The following SPART variants were observed in gnomAD, a reference collection of about 807,000 sequenced individuals.
SPART encodes spastic paraplegia 20 (Troyer syndrome).
In SPART, 35 loss-of-function variants were observed where a neutral mutation model predicts 58.7. That is an observed-to-expected ratio of 0.60 (90% confidence interval 0.46 to 0.79). The LOEUF is 0.79. Ranked by LOEUF, SPART falls within the 30% of genes least tolerant of loss-of-function variation. The pLI is 0.00. For synonymous variants in SPART, 284 were observed against 280.7 expected, an observed-to-expected ratio of 1.01 and a Z score of -0.12; for missense variants, 730 against 786.1, an observed-to-expected ratio of 0.93 and a Z score of 0.85.
At chr13:36,349,261 TCAAA>T (rs1310517118), upstream of SPART, among the ~76,000 whole-genome samples, 2 of 152,196 alleles carry the variant, frequency 1.3e-5, no homozygotes, top group African/African-American at 2.4e-5. Context: ...AAACTCTGTC[TCAAA>T]CAAACAAGCA....
chr13:36,319,427 G>C (rs112003026), intron 5 of SPART, among the ~76,000 whole-genome samples: 1 of 149,070 alleles, frequency 6.7e-6, no homozygotes, highest in African/African-American at 2.5e-5. Flanking sequence ...CCCACTCAAC[G>C]CCAATATCCC....
chr13:36,335,531 G>A lies in SPART; in HGVS notation c.300C>T (p.Ala100=). 2.5e-6 allele frequency: 4 copies of A among 1,614,118 alleles called. No individual in the cohort carries two copies. The highest frequency in any genetic ancestry group is 3.4e-6 in the Non-Finnish European group (4 of 1,180,016). Residue 100 remains alanine, a synonymous_variant, in exon 2 of 9, where the codon GCC becomes GCT. Transcript: ENST00000438666. The part of the protein sequence containing the change: ...TRLEILEKGL[A]TSLQNDLQEV... ...CCTGAAGATCATTCTGCAGAGAAGT[G>A]GCAAGACCCTTCTCTAGAATTTCCA... is the stretch of plus-strand genomic sequence containing the variant.
At chr13:36,350,858 G>C (rs1283237958), upstream of SPART, among the ~76,000 whole-genome samples, 1 of 151,990 alleles carries the variant, frequency 6.6e-6, no homozygotes, top group Non-Finnish European at 1.5e-5. Flanking sequence ...AGGAGGAGTA[G>C]GAAAAAAGAT....
At chr13:36,363,158 T>G (rs1397074666) in intron 1 of SPART, among the ~76,000 whole-genome samples, 1 of 152,256 alleles carries the variant, frequency 6.6e-6, no homozygotes, top group Non-Finnish European at 1.5e-5. Context: ...TCCTTGTATT[T>G]GCCTGACGAT....
intron 5 of SPART, among the ~76,000 whole-genome samples, chr13:36,314,670 G>A (rs1456871426): frequency 6.6e-6 from 1 of 152,188 alleles, no homozygotes; most frequent in Non-Finnish European, 1.5e-5. Flanking sequence ...AGTGGCAGCT[G>A]ATAATTTCTG....
chr13:36,307,142 T>A (rs1294496042), intron 8 of SPART, among the ~76,000 whole-genome samples: 2 of 152,172 alleles, frequency 1.3e-5, no homozygotes, highest in African/African-American at 4.8e-5. Context: ...GAAGTTAAAT[T>A]TATTTTTGAT....
At chr13:36,333,120 C>A (rs1347811002) in intron 2 of SPART, among the ~76,000 whole-genome samples, 2 of 151,404 alleles carry the variant, frequency 1.3e-5, no homozygotes, top group African/African-American at 4.9e-5. Context: ...AAAAAACCAA[C>A]ACTTTATAGA....
intron 2 of SPART, among the ~76,000 whole-genome samples, chr13:36,332,644 A>G (rs982553789): frequency 2.6e-5 from 4 of 152,254 alleles, no homozygotes; most frequent in African/African-American, 7.2e-5. Context: ...TTGTGAAATT[A>G]AAAGCAAAAT....
At chr13:36,314,460 C>A in intron 5 of SPART, 39 bp from the exon 6 acceptor site, 2 of 1,574,950 alleles carry the variant, frequency 1.3e-6, no homozygotes, top group Non-Finnish European at 1.7e-6. Flanking sequence ...AATATTAGGG[C>A]TAATTATGCT....
intron 1 of SPART, among the ~76,000 whole-genome samples, chr13:36,340,065 T>C (rs1884426751): frequency 1.3e-5 from 2 of 151,186 alleles, no homozygotes; most frequent in Non-Finnish European, 2.9e-5. Context: ...CAAGACCCCA[T>C]CTCTAACAAA....
At chr13:36,363,393 CTCTT>C (rs936713720) in intron 1 of SPART, among the ~76,000 whole-genome samples, 5 of 152,024 alleles carry the variant, frequency 3.3e-5, no homozygotes, top group South Asian at 2.1e-4. Flanking sequence ...TTGTCTGTCT[CTCTT>C]TCTTTCTCTC....
At chr13:36,329,130 G>GA (rs1323382946) in intron 4 of SPART, among the ~76,000 whole-genome samples, 3 of 151,968 alleles carry the variant, frequency 2.0e-5, no homozygotes, top group Non-Finnish European at 4.4e-5. Context: ...AAACAGTTGG[G>GA]AAAAAAATCT....
intron 5 of SPART, among the ~76,000 whole-genome samples, chr13:36,320,273 G>A (rs999634065): frequency 1.6e-4 from 24 of 152,108 alleles, no homozygotes; most frequent in African/African-American, 3.9e-4. Context: ...CACAATTACC[G>A]TTGTTCCTGG....
chr13:36,347,803 A>T (rs996214585), upstream of SPART, among the ~76,000 whole-genome samples: 2 of 152,212 alleles, frequency 1.3e-5, no homozygotes, highest in South Asian at 2.1e-4. Flanking sequence ...TTAACATTTT[A>T]AAATAAAAGT....
At position 36,304,329 on chromosome 13, in the gene SPART, C is replaced by T; in HGVS notation, c.*36G>A. The T allele has an allele frequency of 6.2e-7, 1 of 1,613,604 alleles. No individual in the cohort carries two copies. The highest frequency in any genetic ancestry group is 8.5e-7 in the Non-Finnish European group (1 of 1,179,768). ...CTATTTAACAAAATTTCATCCATTT[C>T]ATAAGGCTTTGGTATAAGTGATTCC... On this transcript the variant is annotated 3_prime_UTR_variant, in exon 9 of 9. Transcript: ENST00000438666.
At position 36,329,486 on chromosome 13, in the gene SPART, TC is replaced by T; in HGVS notation, c.1039del (p.Glu347AsnfsTer15). 2 of 1,614,200 alleles carry T rather than the reference TC, an allele frequency of 1.2e-6. No individual in the cohort carries two copies. The highest frequency in any genetic ancestry group is 1.7e-6 in the Non-Finnish European group (2 of 1,180,030). ...TCTAGTTCTTCCAGGGATTTGGAAT[TC>T]ATTTTCTTCTTCTGCTCTGTTCCAG... ...ANWNRAEEEN[E>X]FQIPGRTRPS... On this transcript the variant is annotated frameshift_variant, in exon 4 of 9. Coordinates refer to ENST00000438666, the MANE Select transcript of SPART (RefSeq NM_015087.5). LOFTEE classifies it high-confidence loss of function.
At chr13:36,353,814 T>C (rs1338851715) in intron 1 of SPART, among the ~76,000 whole-genome samples, 1 of 152,070 alleles carries the variant, frequency 6.6e-6, no homozygotes, top group Non-Finnish European at 1.5e-5. Context: ...GATTTCAGAG[T>C]GGTTGTGTTT....
At chr13:36,316,391 G>A (rs1393337638) in intron 5 of SPART, among the ~76,000 whole-genome samples, 1 of 150,772 alleles carries the variant, frequency 6.6e-6, no homozygotes, top group Non-Finnish European at 1.5e-5. Context: ...CGCCCAGATG[G>A]CCTGAAGTAA....
At chr13:36,321,355 G>A (rs1882363156) in intron 5 of SPART, among the ~76,000 whole-genome samples, 1 of 152,152 alleles carries the variant, frequency 6.6e-6, no homozygotes, top group African/African-American at 2.4e-5. Flanking sequence ...AATCTTTGCT[G>A]GCAGGACTAT....
Sources: allele counts gnomAD v4.1 joint callset (sites outside exome capture counted in the v4.1 genomes callset), GRCh38; gene constraint gnomAD v4.1.1; transcripts MANE v1.5; gene names NCBI Gene and HGNC (gene_info 2026-07-23, HGNC 2026-07-21).